The following PCNX1 variants were observed in gnomAD, a reference collection of about 807,000 sequenced individuals.
The protein encoded by PCNX1 is pecanex-like protein 1.
A neutral mutation model predicts 242.2 loss-of-function variants in PCNX1; 78 were observed. The ratio of observed to expected loss-of-function variants is 0.32; its 90% CI spans 0.27 to 0.39. The LOEUF is 0.39. Among genes scored for constraint, PCNX1 ranks in the 10% least tolerant of loss-of-function variants. The pLI is 1.00. For missense variants in PCNX1, 2,581 were observed against 2,856.5 expected, an observed-to-expected ratio of 0.90 and a Z score of 2.20; for synonymous variants, 1,024 against 1,032.9, an observed-to-expected ratio of 0.99 and a Z score of 0.17.
At chr14:70,925,365 A>G (rs991441416) in intron 1 of PCNX1, among the ~76,000 whole-genome samples, 2 of 152,186 alleles carry the variant, frequency 1.3e-5, no homozygotes, top group Non-Finnish European at 2.9e-5. Context: ...GTTGAAAATG[A>G]AGACAGCCTT....
chr14:71,099,840 C>G (rs942591327), intron 30 of PCNX1, among the ~76,000 whole-genome samples: 1 of 152,104 alleles, frequency 6.6e-6, no homozygotes, highest in Non-Finnish European at 1.5e-5. Context: ...CCTTTTGTTT[C>G]CATTTTTACT....
chr14:71,003,382 C>T (rs989214475), intron 8 of PCNX1, among the ~76,000 whole-genome samples: 5 of 152,088 alleles, frequency 3.3e-5, no homozygotes, highest in Admixed American at 6.5e-5. Context: ...TGAGCCACTG[C>T]GCCCAGCCTG....
intron 1 of PCNX1, among the ~76,000 whole-genome samples, chr14:70,928,992 A>C (rs2056689943): frequency 6.6e-6 from 1 of 152,158 alleles, no homozygotes; most frequent in African/African-American, 2.4e-5. Context: ...AGTTTTGTAA[A>C]AGGTTTTTGT....
intron 26 of PCNX1, among the ~76,000 whole-genome samples, chr14:71,059,741 T>G (rs1407061709): frequency 6.6e-6 from 1 of 152,096 alleles, no homozygotes; most frequent in East Asian, 1.9e-4. Flanking sequence ...ACGCTTACAA[T>G]TTTTCAGTGA....
chr14:71,032,021 C>A (rs1045992198), intron 16 of PCNX1: 2 of 895,822 alleles, frequency 2.2e-6, no homozygotes, highest in East Asian at 4.8e-5. Context: ...CGGACACACA[C>A]AAGGAGTGGG....
chr14:71,056,306 A>G (rs1410095335), intron 25 of PCNX1, among the ~76,000 whole-genome samples: 9 of 152,240 alleles, frequency 5.9e-5, no homozygotes, highest in African/African-American at 1.7e-4. Flanking sequence ...ACTAATGACC[A>G]TCGTCATCAT....
chr14:71,036,304 T>C (rs917146649), intron 19 of PCNX1, 147 bp downstream of exon 19: 9 of 582,844 alleles, frequency 1.5e-5, no homozygotes, highest in Non-Finnish European at 2.8e-5. Context: ...TAGCTAGGAC[T>C]ACAGTTGTGC....
Position 71,110,300 on chromosome 14 carries a change from C to G in PCNX1, c.*365C>G, listed in dbSNP as rs1008413559. 3.2e-6 allele frequency: 1 copy of G among 314,662 alleles called. No homozygotes were observed. Among genetic ancestry groups the G allele is most frequent in the Non-Finnish European group, 6.2e-6 (1 of 161,750 alleles). The allele number at this position is 314,662 out of a possible 1,614,324, so 19.5% of individuals were successfully genotyped here. ...TCTCATATTTTTCTAATTTCTTTGC[C>G]AAAAATAATTGCCATGTTTTGTCAT... On this transcript the variant is annotated 3_prime_UTR_variant, in exon 36 of 36. Transcript: ENST00000304743.
intron 11 of PCNX1, among the ~76,000 whole-genome samples, chr14:71,018,081 TGTC>T (rs2060005212): frequency 6.6e-6 from 1 of 152,142 alleles, no homozygotes; most frequent in Admixed American, 6.5e-5. Context: ...TTTGGTATAT[TGTC>T]TTTTTTAACC....
chr14:71,026,728 A>G (rs901954529), intron 14 of PCNX1, 44 bp from the exon 15 acceptor site: 5 of 855,028 alleles, frequency 5.8e-6, no homozygotes, highest in Admixed American at 4.3e-5. Context: ...ACAAGAATGG[A>G]TACAGTATAA....
intron 5 of PCNX1, among the ~76,000 whole-genome samples, chr14:70,975,691 C>G (rs1197316781): frequency 6.6e-6 from 1 of 151,932 alleles, no homozygotes; most frequent in African/African-American, 2.4e-5. Flanking sequence ...TCTGTCAAAA[C>G]ATATATTTAA....
intron 1 of PCNX1, among the ~76,000 whole-genome samples, chr14:70,908,256 C>T (rs1186328427): frequency 6.6e-6 from 1 of 152,072 alleles, no homozygotes; most frequent in South Asian, 2.1e-4. Context: ...GAAGCGGCAG[C>T]GTCCTAGGCC....
At chr14:70,940,225 C>T (rs560166995) in intron 1 of PCNX1, among the ~76,000 whole-genome samples, 274 of 152,270 alleles carry the variant, frequency 1.8e-3, no homozygotes, top group African/African-American at 6.4e-3. Flanking sequence ...TTCCTAGCAT[C>T]AATGGTCTTT....
At chr14:71,059,559 TA>T (rs2061271925) in intron 26 of PCNX1, among the ~76,000 whole-genome samples, 3 of 152,022 alleles carry the variant, frequency 2.0e-5, no homozygotes, top group African/African-American at 7.2e-5. Context: ...AATTTTTTTT[TA>T]ATTTTTACTT....
chr14:70,919,012 C>T (rs1252702984), intron 1 of PCNX1, among the ~76,000 whole-genome samples: 1 of 151,796 alleles, frequency 6.6e-6, no homozygotes, highest in Admixed American at 6.6e-5. Flanking sequence ...TTCTGAGTAG[C>T]TGGGACTGCA....
At chr14:71,064,689 TACAC>T (rs1259123079) in intron 26 of PCNX1, among the ~76,000 whole-genome samples, 1 of 152,216 alleles carries the variant, frequency 6.6e-6, no homozygotes, top group Non-Finnish European at 1.5e-5. Context: ...TACATAGGTA[TACAC>T]ATGCCATGGA....
Position 70,907,559 on chromosome 14 carries a change from C to A in PCNX1, c.-292C>A, listed in dbSNP as rs2055612195. ...GGGTGGCGGGGGCCGGGCCGCGGCT[C>A]CGGGTGTTAGGAGACAAGATGGCGG... On this transcript the variant is annotated 5_prime_UTR_variant, in exon 1 of 36. Coordinates refer to ENST00000304743, the MANE Select transcript of PCNX1 (RefSeq NM_014982.3). 5.9e-6 allele frequency: 1 copy of A among 169,428 alleles called. No homozygotes were observed. Among genetic ancestry groups the A allele is most frequent in the Admixed American group, 6.4e-5 (1 of 15,546 alleles). The allele number at this position is 169,428 out of a possible 1,614,324, so 10.5% of individuals were successfully genotyped here.
chr14:71,001,054 A>T (rs1353578712), intron 8 of PCNX1, among the ~76,000 whole-genome samples: 1 of 152,182 alleles, frequency 6.6e-6, no homozygotes, highest in Non-Finnish European at 1.5e-5. Flanking sequence ...TATTGTCAGG[A>T]TTATATTTAT....
At chr14:71,064,516 C>G (rs866989606) in intron 26 of PCNX1, among the ~76,000 whole-genome samples, 10 of 152,230 alleles carry the variant, frequency 6.6e-5, no homozygotes, top group African/African-American at 2.4e-4. Flanking sequence ...AAATACAGCT[C>G]TTGTGTTATT....
Sources: allele counts gnomAD v4.1 joint callset (sites outside exome capture counted in the v4.1 genomes callset), GRCh38; gene constraint gnomAD v4.1.1; transcripts MANE v1.5; gene names NCBI Gene and HGNC (gene_info 2026-07-23, HGNC 2026-07-21).